Variants in PGLS observed in about 807,000 individuals in gnomAD.
PGLS encodes the protein 6-phosphogluconolactonase, also known as epididymis secretory protein Li 304.
In PGLS, 21 loss-of-function variants were observed where a neutral mutation model predicts 23.2. The ratio of observed to expected loss-of-function variants is 0.91; its 90% CI spans 0.64 to 1.31. The LOEUF (loss-of-function observed/expected upper bound fraction) is 1.31, where lower values mean the gene tolerates loss of function less well. Ranked by LOEUF, PGLS falls within the 50% of genes most tolerant of loss-of-function variation. The probability of loss-of-function intolerance (pLI) is 0.00; values close to 1 mark genes in which losing one functional copy is unlikely to be tolerated. For synonymous variants in PGLS, 179 were observed against 165.4 expected (o/e 1.08, Z -0.63); for missense variants, 410 against 354.0 (o/e 1.16, Z -1.27).
rs998582303 is a variant in PGLS at position 17,518,978 on chromosome 19, T to C, written c.639+1128T>C. Among the ~76,000 whole-genome samples the C allele has an allele frequency of 3.8e-4, 58 of 152,176 alleles. 1 individual carries two copies. Among genetic ancestry groups the C allele is most frequent in the African/African-American group, 1.3e-3 (56 of 41,530 alleles). ...AGTGAAATGTAATTGCAACTGTGAA[T>C]TACCACTGCACTGGGGAACATCACG... On this transcript the variant is annotated intron_variant, in intron 4 of 4. Coordinates refer to ENST00000252603, the MANE Select transcript of PGLS (RefSeq NM_012088.3).
Position 17,516,230 on chromosome 19 carries a change from G to C in PGLS, c.346G>C (p.Glu116Gln). 6.2e-7 allele frequency: 1 copy of C among 1,614,090 alleles called. No individual in the cohort carries two copies. The highest frequency in any genetic ancestry group is 8.5e-7 in the Non-Finnish European group (1 of 1,179,982). The change falls in exon 2 of 5, where the codon GAG (glutamate) becomes CAG (glutamine). Residue 116 changes from glutamate to glutamine, a missense_variant. Transcript: ENST00000252603. Reference protein sequence around the residue: ...PESQVITINPELPVEEAAEDY... With the variant: ...PESQVITINPQLPVEEAAEDY... ...AAGCCAGGTGATCACCATTAACCCC[G>C]AGCTGCCTGTGGAGGAGGCGGCTGA...
In PGLS at chr19:17,516,583, CTT is replaced by C. The variant is rs999905398; in HGVS notation, c.396+317_396+318del. ...TCCTGCGTTACAGCTACTTGTATTT[CTT>C]TTTTTTTTTTTTTCTTTGAGACGGA... On this transcript the variant is annotated intron_variant, in intron 2 of 4. Coordinates refer to ENST00000252603, the MANE Select transcript of PGLS (RefSeq NM_012088.3). 4,774 of 696,774 alleles carry C rather than the reference CTT, an allele frequency of 6.9e-3. 3 individuals carry two copies. Among genetic ancestry groups the C allele is most frequent in the African/African-American group, 9.9e-3 (507 of 51,446 alleles). The allele number at this position is 696,774 out of a possible 1,614,324, so 43.2% of individuals were successfully genotyped here. A position where few individuals can be genotyped will look rare whatever the true frequency, so the allele number is the denominator to read the frequency against.
chr19:17,517,510 C>T lies in PGLS; in HGVS notation c.498+121C>T, dbSNP rs560172783. 1.1e-4 allele frequency: 109 copies of T among 954,178 alleles called. No homozygotes were observed. The African/African-American group carries it at 1.6e-3, about 14-fold the overall frequency. The allele number at this position is 954,178 out of a possible 1,614,324, so 59.1% of individuals were successfully genotyped here. ...TAGAGCCAGGGTTCAAGTCAGCCTC[C>T]ACCAACATACCTGCCTGCTGGGCTC... On this transcript the variant is annotated intron_variant, in intron 3 of 4. Transcript: ENST00000252603.
Position 17,511,726 on chromosome 19 carries a change from G to A in PGLS, c.54G>A (p.Leu18=). 1 of 1,509,310 alleles carries A rather than the reference G, an allele frequency of 6.6e-7. No homozygotes were observed. The highest frequency in any genetic ancestry group is 2.1e-5 in the Admixed American group (1 of 47,478). 93.5% of individuals were successfully genotyped at this position (1,509,310 alleles called of 1,614,324 possible). ...CGGTGTTCTCGAGTTCCCAGGAGCT[G>A]GGTGCGGCGCTAGCGCAGCTGGTGG... is the stretch of plus-strand genomic sequence containing the variant. ...LISVFSSSQE[L]GAALAQLVAQ... is the part of the protein sequence containing the mutation. Residue 18 remains leucine (L), a synonymous_variant, in exon 1 of 5, where the codon CTG becomes CTA. Coordinates refer to ENST00000252603, the MANE Select transcript of PGLS (RefSeq NM_012088.3).
chr19:17,515,813 A>G (rs1184271254), intron 1 of PGLS: 3 of 218,412 alleles, frequency 1.4e-5, no homozygotes, highest in Non-Finnish European at 1.9e-5. Context: ...AACGGAATTG[A>G]AAGACTCCTG....
intron 1 of PGLS, chr19:17,512,221 G>C (rs2075511987): frequency 3.9e-6 from 2 of 510,666 alleles, no homozygotes; most frequent in Non-Finnish European, 6.9e-6. Flanking sequence ...GGGTCATGCC[G>C]AGATGGTCAC....
At chr19:17,517,209 C>A (rs867722248) in intron 2 of PGLS, 79 bp from the exon 3 acceptor site, 1 of 858,878 alleles carries the variant, frequency 1.2e-6, no homozygotes, top group Non-Finnish European at 1.9e-6. Context: ...TTTTATCTGA[C>A]AACTGTTTCT....
rs536268673 is a variant in PGLS at position 17,517,773 on chromosome 19, C to G, written c.562C>G (p.Leu188Val). The G allele has an allele frequency of 3.7e-6, 6 of 1,613,966 alleles. No homozygotes were observed. The Admixed American group carries it at 8.3e-5, about 22-fold the overall frequency. The change falls in exon 4 of 5, where the codon CTC becomes GTC. Residue 188 changes from leucine to valine, a missense_variant. Transcript: ENST00000252603. The part of the protein sequence containing the change: ...SPKPPPQRVT[L>V]TLPVLNAART... ...GAAGCCACCGCCACAGCGTGTGACC[C>G]TCACACTACCTGTCCTGAATGCAGC...
chr19:17,517,689 T>C, intron 3 of PGLS, 21 bp from the exon 4 acceptor site: 1 of 1,613,652 alleles, frequency 6.2e-7, no homozygotes, highest in Non-Finnish European at 8.5e-7. Flanking sequence ...TCTGCCTCCA[T>C]CCCTGGGCTT....
In PGLS at chr19:17,515,675, C is replaced by A. The variant is rs567703185; in HGVS notation, c.289-498C>A. 210 of 154,922 alleles carry A rather than the reference C, an allele frequency of 1.4e-3. 1 individual carries two copies. The highest frequency in any genetic ancestry group is 2.0e-3 in the Non-Finnish European group (140 of 69,578). 9.6% of individuals were successfully genotyped at this position (154,922 alleles called of 1,614,324 possible). A position where few individuals can be genotyped will look rare whatever the true frequency, so the allele number is the denominator to read the frequency against. On this transcript the variant is annotated intron_variant, in intron 1 of 4. Coordinates refer to ENST00000252603, the MANE Select transcript of PGLS (RefSeq NM_012088.3). ...GGGAGGGTGGGGATGGAGAAGGTTA[C>A]CCTTCTCCATGGAGGGTGGTGAGGG... is the stretch of plus-strand genomic sequence containing the variant.
intron 4 of PGLS, chr19:17,518,363 G>A (rs73020480): frequency 0.16 from 24,902 of 151,502 alleles, 2,276 homozygotes; most frequent in Middle Eastern, 0.26. Flanking sequence ...AAAATCACGT[G>A]GTATTATGAA....
chr19:17,512,481 C>T (rs1158456069), intron 1 of PGLS: 1 of 155,288 alleles, frequency 6.4e-6, no homozygotes, highest in Non-Finnish European at 1.4e-5. Flanking sequence ...ATGCCCATAA[C>T]TCAGCCCCGT....
At chr19:17,519,843 C>T (rs1642603457) in intron 4 of PGLS, among the ~76,000 whole-genome samples, 2 of 152,076 alleles carry the variant, frequency 1.3e-5, no homozygotes, top group Non-Finnish European at 2.9e-5. Context: ...TGGTCTTTTG[C>T]TGAAAAAGGG....
At chr19:17,519,589 A>C (rs1184506548) in intron 4 of PGLS, among the ~76,000 whole-genome samples, 1 of 151,810 alleles carries the variant, frequency 6.6e-6, no homozygotes, top group Non-Finnish European at 1.5e-5. Flanking sequence ...TAGTAGAGAC[A>C]GGGTTTCACA....
rs768817582 is a variant in PGLS, at chr19:17,511,851, C to A, written c.179C>A (p.Ala60Asp). 6.5e-7 allele frequency: 1 copy of A among 1,531,426 alleles called. No homozygotes were observed. The highest frequency in any genetic ancestry group is 8.8e-7 in the Non-Finnish European group (1 of 1,142,174). 94.9% of individuals were successfully genotyped at this position (1,531,426 alleles called of 1,614,324 possible). A position where few individuals can be genotyped will look rare whatever the true frequency, so the allele number is the denominator to read the frequency against. The change falls in exon 1 of 5, where the codon GCC becomes GAC. Residue 60 changes from alanine (A) to aspartate (D), a missense_variant. Transcript: ENST00000252603. ...TCGATGCTAGCCCGCGAGCTACCCG[C>A]CGCCGTCGCCCCTGCCGGGCCAGCT... ...LVSMLARELP[A>D]AVAPAGPASL...
chr19:17,519,993 A>C (rs987155683), intron 4 of PGLS, among the ~76,000 whole-genome samples: 10 of 152,100 alleles, frequency 6.6e-5, no homozygotes, highest in Admixed American at 2.0e-4. Context: ...GTCTCTACAA[A>C]AAATAAAAAA....
chr19:17,515,617 G>A (rs969273636), intron 1 of PGLS: 3 of 153,234 alleles, frequency 2.0e-5, no homozygotes, highest in African/African-American at 7.2e-5. Context: ...GTGGCCTGAG[G>A]GATGTATATG....
chr19:17,517,765 G>A lies in PGLS; in HGVS notation c.554G>A (p.Arg185His), dbSNP rs201054530. 215 of 1,614,104 alleles carry A rather than the reference G, an allele frequency of 1.3e-4. No individual in the cohort carries two copies. Among genetic ancestry groups the A allele is most frequent in the Middle Eastern group, 1.6e-4 (1 of 6,062 alleles). The change falls in exon 4 of 5, where the codon CGT becomes CAT. Residue 185 changes from arginine (R) to histidine (H), a missense_variant. Transcript: ENST00000252603. ...ISDSPKPPPQ[R>H]VTLTLPVLNA... Reference sequence around the variant, plus strand: ...GACTCCCCGAAGCCACCGCCACAGCGTGTGACCCTCACACTACCTGTCCTG... The same window carrying A: ...GACTCCCCGAAGCCACCGCCACAGCATGTGACCCTCACACTACCTGTCCTG...
At chr19:17,513,461 A>G (rs2075518868) in intron 1 of PGLS, among the ~76,000 whole-genome samples, 1 of 150,844 alleles carries the variant, frequency 6.6e-6, no homozygotes, top group Non-Finnish European at 1.5e-5. Flanking sequence ...GTGAACCGAG[A>G]TCATGCCATT....
Sources: allele counts gnomAD v4.1 joint callset (sites outside exome capture counted in the v4.1 genomes callset), GRCh38; gene constraint gnomAD v4.1.1; transcripts MANE v1.5; gene names NCBI Gene and HGNC (gene_info 2026-07-23, HGNC 2026-07-21).